Variants in NHSL2 observed in about 807,000 individuals in gnomAD.
NHSL2 encodes NHS like 2, also known as NHS-like protein 2.
NHSL2 carries 27 observed loss-of-function variants against 53.4 expected under a neutral mutation model. The ratio of observed to expected loss-of-function variants is 0.51; its 90% CI spans 0.37 to 0.70. The LOEUF (loss-of-function observed/expected upper bound fraction) is 0.70. Among genes scored for constraint, NHSL2 ranks in the 30% least tolerant of loss-of-function variants. The pLI, the probability that NHSL2 is intolerant of heterozygous loss-of-function variation, is 0.00. For missense variants in NHSL2, 892 were observed against 980.1 expected (o/e 0.91, Z 1.20); for synonymous variants, 408 against 404.1 (o/e 1.01, Z -0.12).
chrX:71,961,609 T>A (rs1165194863), intron 1 of NHSL2, among the ~76,000 whole-genome samples: 1 of 111,633 alleles, frequency 9.0e-6, no homozygotes, highest in Non-Finnish European at 1.9e-5. Flanking sequence ...TCTTTTACCA[T>A]TGAATACGAT....
intron 1 of NHSL2, among the ~76,000 whole-genome samples, chrX:71,998,058 A>G (rs1203735803): frequency 3.6e-5 from 4 of 112,135 alleles, no homozygotes; most frequent in Non-Finnish European, 7.5e-5. Flanking sequence ...ATGGAGGGCA[A>G]AAGTTTGGGC....
At chrX:72,100,259 C>A (rs2041980651) in intron 1 of NHSL2, among the ~76,000 whole-genome samples, 1 of 111,784 alleles carries the variant, frequency 8.9e-6, no homozygotes, top group African/African-American at 3.3e-5. Flanking sequence ...TTACACAGAC[C>A]TAGATAGTGT....
At chrX:71,982,809 T>G (rs1277327685) in intron 1 of NHSL2, among the ~76,000 whole-genome samples, 1 of 112,149 alleles carries the variant, frequency 8.9e-6, no homozygotes, top group Non-Finnish European at 1.9e-5. Context: ...TTTATGTCCT[T>G]TATTATAGAC....
rs185534791 is a variant in NHSL2, at chrX:72,035,455, G to A, written c.281-96624G>A. 2.8e-4 allele frequency among the ~76,000 whole-genome samples: 31 copies of A among 111,238 alleles called. No homozygotes were observed. In the East Asian group the frequency reaches 6.2e-3, roughly 22 times the overall value. The stretch of plus-strand genomic sequence containing the variant: ...AGTATGTCTATCAATTACTGTAAGT[G>A]GAGTGTTGAAGAACCCAACTATAAT... On this transcript the variant is annotated intron_variant, in intron 1 of 7. Coordinates refer to ENST00000633930, the MANE Select transcript of NHSL2 (RefSeq NM_001013627.3).
At chrX:72,007,277 T>C (rs775954929) in intron 1 of NHSL2, among the ~76,000 whole-genome samples, 1 of 112,714 alleles carries the variant, frequency 8.9e-6, no homozygotes, top group South Asian at 3.7e-4. Flanking sequence ...AAGAAAACAT[T>C]TGGGATTCTG....
intron 4 of NHSL2, 136 bp from the exon 5 acceptor site, chrX:72,136,958 T>G: frequency 1.9e-6 from 1 of 529,067 alleles, no homozygotes; most frequent in Non-Finnish European, 3.0e-6. Context: ...TTGGGAAGGA[T>G]GAGGAAGAAG....
chrX:71,913,409 G>C (rs1361570921), intron 1 of NHSL2, among the ~76,000 whole-genome samples: 1 of 111,843 alleles, frequency 8.9e-6, no homozygotes, highest in Non-Finnish European at 1.9e-5. Flanking sequence ...CTCCCTTGTC[G>C]CTCAGGCATA....
At chrX:72,031,004 C>T (rs763641426) in intron 1 of NHSL2, among the ~76,000 whole-genome samples, 1 of 111,749 alleles carries the variant, frequency 8.9e-6, no homozygotes, top group African/African-American at 3.3e-5. Context: ...CAGCAGACAT[C>T]GGTTGTGTCC....
At chrX:72,092,002 A>G (rs1313553804) in intron 1 of NHSL2, among the ~76,000 whole-genome samples, 2 of 111,373 alleles carry the variant, frequency 1.8e-5, no homozygotes, top group African/African-American at 6.5e-5. Context: ...ACACACACAC[A>G]CACGCACCAA....
intron 1 of NHSL2, among the ~76,000 whole-genome samples, chrX:72,108,777 G>A (rs943000068): frequency 1.8e-5 from 2 of 111,777 alleles, no homozygotes; most frequent in Non-Finnish European, 3.8e-5. Flanking sequence ...CCAGGTTGCC[G>A]GCACTGTAGG....
chrX:72,041,657 T>C (rs1017172005), intron 1 of NHSL2, among the ~76,000 whole-genome samples: 10 of 112,005 alleles, frequency 8.9e-5, no homozygotes, highest in African/African-American at 3.3e-4. Context: ...CCGCACACAG[T>C]CCAGACCCTG....
chrX:72,074,123 C>G lies in NHSL2; in HGVS notation c.281-57956C>G, dbSNP rs189153715. On this transcript the variant is annotated intron_variant, in intron 1 of 7. Coordinates refer to ENST00000633930, the MANE Select transcript of NHSL2 (RefSeq NM_001013627.3). ...CGACTGGTATCATGCTGGTTTCCAA[C>G]ATCCCTCTCCCCGCAAGCAACCGAA... 5.4e-5 allele frequency among the ~76,000 whole-genome samples: 6 copies of G among 110,984 alleles called. No homozygotes were observed. In the East Asian group the frequency reaches 1.7e-3, roughly 32 times the overall value.
intron 1 of NHSL2, among the ~76,000 whole-genome samples, chrX:72,111,314 G>T (rs2042091568): frequency 8.9e-6 from 1 of 112,607 alleles, no homozygotes; most frequent in African/African-American, 3.2e-5. Flanking sequence ...AGGATGTCCG[G>T]ACCAGAGGTC....
intron 1 of NHSL2, among the ~76,000 whole-genome samples, chrX:72,023,807 G>C (rs1174635395): frequency 8.9e-6 from 1 of 112,140 alleles, no homozygotes; most frequent in Non-Finnish European, 1.9e-5. Context: ...TGAGACTGGA[G>C]GCAGGGAGGC....
chrX:72,137,302 T>A, intron 5 of NHSL2, 77 bp downstream of exon 5: 1 of 973,839 alleles, frequency 1.0e-6, no homozygotes. Flanking sequence ...GGTGGTACTG[T>A]GGTGATGGGG....
At chrX:71,941,842 T>C (rs2041767288) in intron 1 of NHSL2, among the ~76,000 whole-genome samples, 1 of 111,913 alleles carries the variant, frequency 8.9e-6, no homozygotes. Flanking sequence ...TTCTGACCTT[T>C]CCTCAGGGAA....
At chrX:72,115,026 G>C (rs2042124660) in intron 1 of NHSL2, among the ~76,000 whole-genome samples, 1 of 111,810 alleles carries the variant, frequency 8.9e-6, no homozygotes, top group African/African-American at 3.3e-5. Flanking sequence ...AATGCAGACA[G>C]GGTGGAATTA....
intron 1 of NHSL2, among the ~76,000 whole-genome samples, chrX:72,060,631 G>A (rs1290714059): frequency 8.9e-6 from 1 of 112,072 alleles, no homozygotes; most frequent in Non-Finnish European, 1.9e-5. Flanking sequence ...CACAGCCTTC[G>A]GACCCCTGGT....
chrX:72,130,410 C>T (rs1318838572), intron 1 of NHSL2: 1 of 1,193,621 alleles, frequency 8.4e-7, no homozygotes, highest in South Asian at 1.8e-5. Flanking sequence ...TCTCCTCCTC[C>T]TCCTTCTCCT....
Sources: gnomAD v4.1 joint callset for allele counts (sites outside exome capture counted in the v4.1 genomes callset) on GRCh38, gnomAD v4.1.1 for gene constraint, MANE v1.5 for transcripts, NCBI Gene and HGNC (gene_info 2026-07-23, HGNC 2026-07-21) for gene names.